CDH22: variants seen among roughly 807,000 people sequenced by gnomAD.
CDH22 encodes the protein cadherin 22, also known as cadherin-22.
Under a neutral mutation model 58.4 loss-of-function variants are expected in CDH22, and 30 were observed. That is an observed-to-expected ratio of 0.51 (90% CI 0.38 to 0.70). The LOEUF (loss-of-function observed/expected upper bound fraction) is 0.70. CDH22 is among the 30% of genes least tolerant of loss of function. The pLI, the probability that CDH22 is intolerant of heterozygous loss-of-function variation, is 0.00. For synonymous variants in CDH22, 513 were observed against 558.2 expected (o/e 0.92, Z 1.14); for missense variants, 1,014 against 1,233.9 (o/e 0.82, Z 2.67).
At chr20:46,209,465 G>A (rs2086024113) in intron 7 of CDH22, among the ~76,000 whole-genome samples, 1 of 152,116 alleles carries the variant, frequency 6.6e-6, no homozygotes, top group Non-Finnish European at 1.5e-5. Context: ...GTCTTTGGAG[G>A]GCTTGGGCAG....
At chr20:46,286,233 G>A (rs919320316) in intron 1 of CDH22, among the ~76,000 whole-genome samples, 1 of 152,164 alleles carries the variant, frequency 6.6e-6, no homozygotes, top group Non-Finnish European at 1.5e-5. Context: ...GGGGCTCAGA[G>A]AGGGAAAGGG....
intron 2 of CDH22, among the ~76,000 whole-genome samples, chr20:46,244,827 T>C (rs1056331667): frequency 2.0e-5 from 3 of 152,184 alleles, no homozygotes; most frequent in African/African-American, 7.2e-5. Flanking sequence ...CAGGCCACAG[T>C]CATCGGTGGC....
intron 10 of CDH22, among the ~76,000 whole-genome samples, chr20:46,180,652 A>G (rs1056020573): frequency 1.3e-5 from 2 of 152,180 alleles, no homozygotes; most frequent in Non-Finnish European, 2.9e-5. Context: ...CATTTTGTAT[A>G]TATGGAAATT....
chr20:46,181,752 C>CTTCGTTCTTTCTTTCT, intron 10 of CDH22, among the ~76,000 whole-genome samples: 1 of 26,272 alleles, frequency 3.8e-5, no homozygotes, highest in South Asian at 1.4e-3. Flanking sequence ...TCCTTCCTTC[C>CTTCGTTCTTTCTTTCT]TTCTTTCTTT....
chr20:46,264,636 T>A (rs1433745806), intron 1 of CDH22, among the ~76,000 whole-genome samples: 2 of 151,978 alleles, frequency 1.3e-5, no homozygotes, highest in Admixed American at 1.3e-4. Flanking sequence ...GCTCTGGCAG[T>A]GGGAGGGAAA....
rs1350298761 is a variant in CDH22 at position 46,296,693 on chromosome 20, C to T, written c.-400+11562G>A. ...TCAGATGATGAGTTGGGGCTTTGAA[C>T]GCCAAGCAGATGGTTTGGCGCTGAC... On this transcript the variant is annotated intron_variant, in intron 1 of 11. Transcript: ENST00000537909. Among the ~76,000 whole-genome samples, 7 of 152,314 alleles carry T rather than the reference C, an allele frequency of 4.6e-5. No homozygotes were observed. In the East Asian group the frequency reaches 5.8e-4, roughly 13 times the overall value.
At chr20:46,249,445 A>ATCAT (rs889890279) in intron 2 of CDH22, among the ~76,000 whole-genome samples, 8 of 152,160 alleles carry the variant, frequency 5.3e-5, no homozygotes, top group South Asian at 4.1e-4. Context: ...AATTGTGGGA[A>ATCAT]TCATTCATTC....
Position 46,206,195 on chromosome 20 carries a change from G to T in CDH22, c.1286+4112C>A, listed in dbSNP as rs2086001013. On this transcript the variant is annotated intron_variant, in intron 7 of 11. Transcript: ENST00000537909. ...AGGAACTGCACTAACCACAAGGAGA[G>T]TAAGAAGCAGGAGTGAAATGGCCAA... Among the ~76,000 whole-genome samples the T allele has an allele frequency of 2.0e-5, 3 of 152,312 alleles. No individual in the cohort carries two copies. The South Asian group carries it at 6.2e-4, about 32-fold the overall frequency.
At chr20:46,282,594 C>T (rs2086555822) in intron 1 of CDH22, among the ~76,000 whole-genome samples, 1 of 152,064 alleles carries the variant, frequency 6.6e-6, no homozygotes, top group Non-Finnish European at 1.5e-5. Context: ...CAATTCTTAC[C>T]CCTTGACAAA....
chr20:46,247,096 CTT>C (rs1250311600), intron 2 of CDH22, among the ~76,000 whole-genome samples: 1 of 152,086 alleles, frequency 6.6e-6, no homozygotes, highest in Non-Finnish European at 1.5e-5. Context: ...GCCAAAAAGA[CTT>C]TTTGGGATTT....
chr20:46,200,954 C>A (rs1035061999), intron 7 of CDH22, among the ~76,000 whole-genome samples: 3 of 152,186 alleles, frequency 2.0e-5, no homozygotes, highest in Non-Finnish European at 2.9e-5. Flanking sequence ...CTCCCGCCTG[C>A]GCAGCACGCG....
rs781391597 is a variant in CDH22 at position 46,213,145 on chromosome 20, C to T, written c.882G>A (p.Thr294=). ...CCTCAGCCTTCACACGTCCCACAGCCGTTCCAATGGGGGCTGACTCCTGGA... is the reference window on the plus strand; with the variant it reads ...CCTCAGCCTTCACACGTCCCACAGCTGTTCCAATGGGGGCTGACTCCTGGA... ...FSIQESAPIG[T]AVGRVKAEDS... is the part of the protein sequence containing the mutation. The change falls in exon 6 of 12, where the codon ACG becomes ACA. Residue 294 remains threonine (T), a synonymous_variant. Coordinates refer to ENST00000537909, the MANE Select transcript of CDH22 (RefSeq NM_021248.3). 4.8e-5 allele frequency: 78 copies of T among 1,614,062 alleles called. 1 individual carries two copies. Among genetic ancestry groups the T allele is most frequent in the South Asian group, 1.6e-4 (15 of 91,086 alleles).
chr20:46,217,912 CTTTTTCT>C (rs538637834), intron 4 of CDH22, among the ~76,000 whole-genome samples: 2 of 151,814 alleles, frequency 1.3e-5, no homozygotes, highest in South Asian at 2.1e-4. Flanking sequence ...CACTTTTTTT[CTTTTTCT>C]TTTTTCTTTT....
At chr20:46,181,910 G>A (rs1442833300) in intron 10 of CDH22, among the ~76,000 whole-genome samples, 3 of 151,428 alleles carry the variant, frequency 2.0e-5, no homozygotes, top group Non-Finnish European at 4.4e-5. Flanking sequence ...TCCGTCTCCT[G>A]GGTTCAAGCA....
intron 5 of CDH22, among the ~76,000 whole-genome samples, chr20:46,214,190 G>C (rs2086065417): frequency 6.6e-6 from 1 of 152,156 alleles, no homozygotes; most frequent in Admixed American, 6.5e-5. Flanking sequence ...ATGGCTGTGT[G>C]GCTGGAGGGG....
At chr20:46,183,817 C>T (rs117606004) in intron 10 of CDH22, among the ~76,000 whole-genome samples, 3,714 of 152,204 alleles carry the variant, frequency 0.024, 71 homozygotes, top group Non-Finnish European at 0.04. Context: ...GGATCCCAGA[C>T]CTGTTCCAAG....
chr20:46,243,340 G>A (rs561119661), intron 2 of CDH22, among the ~76,000 whole-genome samples: 92 of 152,274 alleles, frequency 6.0e-4, no homozygotes, highest in African/African-American at 2.2e-3. Flanking sequence ...CCGATTAATG[G>A]GCATCTCTCT....
chr20:46,285,167 G>C (rs2086570517), intron 1 of CDH22, among the ~76,000 whole-genome samples: 1 of 152,218 alleles, frequency 6.6e-6, no homozygotes, highest in Non-Finnish European at 1.5e-5. Context: ...CCGGTCTGTG[G>C]ACCAGGTTGC....
rs1215835415 is a variant in CDH22, at chr20:46,187,031, G to C, written c.1424-84C>G. On this transcript the variant is annotated intron_variant, in intron 8 of 11. Coordinates refer to ENST00000537909, the MANE Select transcript of CDH22 (RefSeq NM_021248.3). ...CCTCTCTACTATGAGGACAATAGTA[G>C]GCAGTGGGGTCATGCTGAGAAATTT... 4 of 1,393,312 alleles carry C rather than the reference G, an allele frequency of 2.9e-6. No homozygotes were observed. In the African/African-American group the frequency reaches 5.8e-5, roughly 20 times the overall value. The allele number at this position is 1,393,312 out of a possible 1,614,324, so 86.3% of individuals were successfully genotyped here. A position where few individuals can be genotyped will look rare whatever the true frequency, so the allele number is the denominator to read the frequency against.
Sources: gnomAD v4.1 joint callset for allele counts (sites outside exome capture counted in the v4.1 genomes callset) on GRCh38, gnomAD v4.1.1 for gene constraint, MANE v1.5 for transcripts, NCBI Gene and HGNC (gene_info 2026-07-23, HGNC 2026-07-21) for gene names.